The following CSTPP1 variants were observed in gnomAD, a reference collection of about 807,000 sequenced individuals.
CSTPP1 encodes the protein centriolar satellite-associated tubulin polyglutamylase complex regulator 1, also known as UPF0705 protein C11orf49.
the CSTPP1 span, chr11:47,137,734 G>A: frequency 9.9e-6 from 16 of 1,613,710 alleles, no homozygotes; most frequent in Admixed American, 6.7e-5. Context: ...AGCCAGGTAC[G>A]TCTCCTGGAC....
the CSTPP1 span, chr11:46,947,964 T>G: frequency 2.3e-6 from 1 of 439,818 alleles, no homozygotes; most frequent in South Asian, 1.6e-5. Context: ...GTGGCAGAAC[T>G]CCTCCTGTGG....
the CSTPP1 span, among the ~76,000 whole-genome samples, chr11:47,156,682 G>A: frequency 6.6e-6 from 1 of 152,140 alleles, no homozygotes; most frequent in African/African-American, 2.4e-5. Context: ...CCAGCAAGGA[G>A]ACAGATTAGA....
At chr11:47,153,116 C>T in the CSTPP1 span, among the ~76,000 whole-genome samples, 2 of 152,220 alleles carry the variant, frequency 1.3e-5, no homozygotes, top group African/African-American at 2.4e-5. Flanking sequence ...TGCTGTCTCC[C>T]TGCTCCCTCA....
chr11:46,956,742 A>G, the CSTPP1 span, among the ~76,000 whole-genome samples: 1 of 152,006 alleles, frequency 6.6e-6, no homozygotes, highest in African/African-American at 2.4e-5. Context: ...TCAGTTTTAG[A>G]TATTATTTAA....
the CSTPP1 span, among the ~76,000 whole-genome samples, chr11:47,113,920 C>T: frequency 1.3e-5 from 2 of 152,158 alleles, no homozygotes; most frequent in Non-Finnish European, 2.9e-5. Flanking sequence ...GAAGTCCTTG[C>T]CCATGCCTAT....
At chr11:47,154,237 A>T in the CSTPP1 span, among the ~76,000 whole-genome samples, 1 of 152,164 alleles carries the variant, frequency 6.6e-6, no homozygotes, top group Non-Finnish European at 1.5e-5. Context: ...GCGCCTGGCC[A>T]AAAACAACTG....
chr11:47,131,012 C>T, the CSTPP1 span, among the ~76,000 whole-genome samples: 126 of 152,300 alleles, frequency 8.3e-4, 1 homozygote, highest in African/African-American at 3.0e-3. Flanking sequence ...TGGCTTGTAG[C>T]ATTTCATTAT....
At chr11:47,052,011 G>A in the CSTPP1 span, 1 of 154,432 alleles carries the variant, frequency 6.5e-6, no homozygotes, top group African/African-American at 2.4e-5. Flanking sequence ...TATCTTTAAG[G>A]AAACCTAATT....
At chr11:47,154,258 A>AAAG in the CSTPP1 span, 1 of 152,160 alleles carries the variant, frequency 6.6e-6, no homozygotes, top group African/African-American at 2.4e-5. Flanking sequence ...AAAAAAGAAA[A>AAAG]AAAGAAAGAT....
chr11:47,123,556 A>G, the CSTPP1 span, among the ~76,000 whole-genome samples: 2 of 152,230 alleles, frequency 1.3e-5, no homozygotes, highest in African/African-American at 4.8e-5. Flanking sequence ...TTAGGAACCA[A>G]CAATGAATAA....
At chr11:46,992,413 A>T in the CSTPP1 span, among the ~76,000 whole-genome samples, 3 of 100,174 alleles carry the variant, frequency 3.0e-5, no homozygotes, top group Non-Finnish European at 5.6e-5. Flanking sequence ...GACAGGCCCC[A>T]GTGTGTGATG....
chr11:46,988,929 A>G, the CSTPP1 span, among the ~76,000 whole-genome samples: 1 of 152,148 alleles, frequency 6.6e-6, no homozygotes, highest in Non-Finnish European at 1.5e-5. Context: ...CATAGATTAT[A>G]TATTTGAAAG....
chr11:47,011,001 A>C, the CSTPP1 span, among the ~76,000 whole-genome samples: 5 of 152,164 alleles, frequency 3.3e-5, no homozygotes, highest in African/African-American at 4.8e-5. Flanking sequence ...TAGTTGCTTG[A>C]GTGCTGATGA....
the CSTPP1 span, among the ~76,000 whole-genome samples, chr11:46,938,780 C>CTTTTTTT: frequency 3.2e-5 from 4 of 123,634 alleles, no homozygotes; most frequent in Non-Finnish European, 1.6e-5. Context: ...TTTTCTTCTT[C>CTTTTTTT]TTTTTTTTTT....
At chr11:47,118,378 C>G in the CSTPP1 span, among the ~76,000 whole-genome samples, 1 of 152,054 alleles carries the variant, frequency 6.6e-6, no homozygotes, top group East Asian at 1.9e-4. Flanking sequence ...TTTTAGCTTC[C>G]TTGCGATGGG....
the CSTPP1 span, chr11:47,137,895 T>C: frequency 6.0e-6 from 4 of 661,210 alleles, no homozygotes; most frequent in African/African-American, 7.3e-5. Context: ...CATTCTGCAT[T>C]TCCAAAGGGA....
At chr11:47,153,809 C>T in the CSTPP1 span, among the ~76,000 whole-genome samples, 1 of 152,252 alleles carries the variant, frequency 6.6e-6, no homozygotes, top group African/African-American at 2.4e-5. Flanking sequence ...ATATCGTAGT[C>T]TCTGTGAAGC....
the CSTPP1 span, among the ~76,000 whole-genome samples, chr11:47,114,828 C>T: frequency 6.6e-6 from 1 of 152,202 alleles, no homozygotes; most frequent in Non-Finnish European, 1.5e-5. Context: ...TTATTTCTTT[C>T]TCTTGCCTGA....
chr11:47,011,689 C>T, the CSTPP1 span, among the ~76,000 whole-genome samples: 1 of 152,094 alleles, frequency 6.6e-6, no homozygotes, highest in African/African-American at 2.4e-5. Context: ...AAGAATCTAA[C>T]TTCATTGTGT....
Sources: allele counts gnomAD v4.1 joint callset (sites outside exome capture counted in the v4.1 genomes callset), GRCh38; gene constraint gnomAD v4.1.1; transcripts MANE v1.5; gene names NCBI Gene and HGNC (gene_info 2026-07-23, HGNC 2026-07-21).